The following ELFN1 variants were observed in gnomAD, a reference collection of about 807,000 sequenced individuals.
The protein encoded by ELFN1 is protein ELFN1.
A neutral mutation model predicts 7.6 loss-of-function variants in ELFN1; 6 were observed. That is an observed-to-expected ratio of 0.79 (90% CI 0.43 to 1.56). ELFN1 has a LOEUF of 1.56. ELFN1 is among the 40% of genes most tolerant of loss of function. The pLI is 0.01. For synonymous variants in ELFN1, 657 were observed against 588.1 expected (o/e 1.12, Z -1.70); for missense variants, 1,169 against 1,232.2 (o/e 0.95, Z 0.77).
rs760970757 is a variant in ELFN1 at position 1,745,917 on chromosome 7, C to T, written c.1321C>T (p.Arg441Cys). The change falls in exon 4 of 4, where the codon CGC (arginine) becomes TGC (cysteine). Residue 441 changes from arginine to cysteine, a missense_variant. Coordinates refer to ENST00000424383, the MANE Select transcript of ELFN1 (RefSeq NM_001128636.4). The part of the protein sequence containing the change: ...LVLGAVYYCL[R>C]RRRRQEEKHK... The stretch of plus-strand genomic sequence containing the variant: ...GCTGGGCGCCGTCTACTACTGCCTG[C>T]GCAGGCGGCGGCGCCAGGAGGAGAA... 60 of 1,572,470 alleles carry T rather than the reference C, an allele frequency of 3.8e-5. No individual in the cohort carries two copies. The highest frequency in any genetic ancestry group is 9.5e-5 in the African/African-American group (7 of 73,666).
chr7:1,737,778 G>A (rs1780491198), intron 3 of ELFN1, among the ~76,000 whole-genome samples: 1 of 152,170 alleles, frequency 6.6e-6, no homozygotes, highest in African/African-American at 2.4e-5. Flanking sequence ...AGAGGCCACT[G>A]GTGGTTCCTG....
chr7:1,685,805 C>G lies in ELFN1; in HGVS notation c.-548-2253C>G, dbSNP rs907814234. On this transcript the variant is annotated intron_variant, in intron 1 of 3. Coordinates refer to ENST00000424383, the MANE Select transcript of ELFN1 (RefSeq NM_001128636.4). ...AGATTTATATTATATAATATATAAA[C>G]TGTTGAAAGATAATATATAAACCAT... Among the ~76,000 whole-genome samples, 135 of 147,742 alleles carry G rather than the reference C, an allele frequency of 9.1e-4. 1 individual carries two copies. Among genetic ancestry groups the G allele is most frequent in the African/African-American group, 3.1e-3 (126 of 40,634 alleles).
chr7:1,667,073 C>T (rs1417768177), upstream of ELFN1, among the ~76,000 whole-genome samples: 1 of 151,956 alleles, frequency 6.6e-6, no homozygotes, highest in East Asian at 1.9e-4. This position sits in a 1 kb window ranked among gnomAD's most constrained non-coding sequence, Gnocchi z 8.2. Context: ...CGCCGCTCTT[C>T]CCTCCCTGCC....
intron 3 of ELFN1, among the ~76,000 whole-genome samples, chr7:1,724,704 G>A (rs189643599): frequency 6.6e-6 from 1 of 151,516 alleles, no homozygotes; most frequent in African/African-American, 2.4e-5. Context: ...CCCCATGAAC[G>A]CGACTCCCCC....
intron 2 of ELFN1, among the ~76,000 whole-genome samples, chr7:1,689,150 C>T (rs1201221145): frequency 6.6e-6 from 1 of 152,206 alleles, no homozygotes; most frequent in Non-Finnish European, 1.5e-5. Flanking sequence ...CCTGGTGATT[C>T]ATTCAAGTTG....
chr7:1,745,857 A>C lies in ELFN1; in HGVS notation c.1261A>C (p.Thr421Pro), dbSNP rs766566991. The C allele has an allele frequency of 6.3e-7, 1 of 1,590,324 alleles. No individual in the cohort carries two copies. The highest frequency in any genetic ancestry group is 8.5e-7 in the Non-Finnish European group (1 of 1,169,938). The part of the protein sequence containing the change: ...SPSTATHYIM[T>P]ILGCLFGMVL... Reference sequence around the variant, plus strand: ...CTCCACGGCCACCCACTACATCATGACCATCCTGGGCTGCCTCTTCGGCAT... The same window carrying C: ...CTCCACGGCCACCCACTACATCATGCCCATCCTGGGCTGCCTCTTCGGCAT... Residue 421 changes from threonine (T) to proline (P), a missense_variant, in exon 4 of 4, where the codon ACC (threonine) becomes CCC (proline). Transcript: ENST00000424383.
At position 1,673,321 on chromosome 7, in the gene ELFN1, C is replaced by G. The variant is rs912966247; in HGVS notation, c.-549+2967C>G. Among the ~76,000 whole-genome samples, 5 of 152,102 alleles carry G rather than the reference C, an allele frequency of 3.3e-5. 1 individual carries two copies. In the South Asian group the frequency reaches 1.0e-3, roughly 32 times the overall value. ...GGGTCCTATGTCTGGCGTCTGTGTCCTGTTGTGTTGGTTCAGGTCAGGGGA... is the reference window on the plus strand; with the variant it reads ...GGGTCCTATGTCTGGCGTCTGTGTCGTGTTGTGTTGGTTCAGGTCAGGGGA... On this transcript the variant is annotated intron_variant, in intron 1 of 3. Transcript: ENST00000424383. This position sits in a 1 kb window ranked among gnomAD's most constrained non-coding sequence, Gnocchi z 4.7.
In ELFN1 at chr7:1,747,170, C is replaced by A; in HGVS notation, c.*87C>A. Reference sequence around the variant, plus strand: ...AGCACCAAACCCAACACACGCACGCCACCACAGCAACTGTGACAGCGGGGG... The same window carrying A: ...AGCACCAAACCCAACACACGCACGCAACCACAGCAACTGTGACAGCGGGGG... On this transcript the variant is annotated 3_prime_UTR_variant, in exon 4 of 4. Coordinates refer to ENST00000424383, the MANE Select transcript of ELFN1 (RefSeq NM_001128636.4). 1 of 1,351,900 alleles carries A rather than the reference C, an allele frequency of 7.4e-7. No individual in the cohort carries two copies. Among genetic ancestry groups the A allele is most frequent in the Non-Finnish European group, 9.7e-7 (1 of 1,031,272 alleles). The allele number at this position is 1,351,900 out of a possible 1,614,324, so 83.7% of individuals were successfully genotyped here.
intron 1 of ELFN1, among the ~76,000 whole-genome samples, chr7:1,674,109 G>A (rs1341189730): frequency 6.6e-6 from 1 of 151,980 alleles, no homozygotes; most frequent in Non-Finnish European, 1.5e-5. Context: ...ACAGGAGCCA[G>A]TGGGGAAACT....
At chr7:1,698,504 T>G (rs1290879313) in intron 2 of ELFN1, among the ~76,000 whole-genome samples, 1 of 152,102 alleles carries the variant, frequency 6.6e-6, no homozygotes, top group Non-Finnish European at 1.5e-5. Flanking sequence ...TATAAAACAT[T>G]GTGCCATCCT....
intron 2 of ELFN1, among the ~76,000 whole-genome samples, chr7:1,689,740 C>G (rs534939668): frequency 6.6e-6 from 1 of 152,200 alleles, no homozygotes; most frequent in African/African-American, 2.4e-5. Context: ...ATCACGTGCC[C>G]ATTACAGGTG....
At chr7:1,677,801 C>T (rs528393123) in intron 1 of ELFN1, among the ~76,000 whole-genome samples, 3 of 151,932 alleles carry the variant, frequency 2.0e-5, no homozygotes, top group South Asian at 2.1e-4. Flanking sequence ...CAAATTCAGT[C>T]GAGCGGATGG....
chr7:1,675,030 C>T (rs893495916), intron 1 of ELFN1, among the ~76,000 whole-genome samples: 7 of 152,238 alleles, frequency 4.6e-5, no homozygotes, highest in Admixed American at 3.9e-4. Flanking sequence ...GCTGGGCTCC[C>T]CACACCTCAT....
At chr7:1,737,824 G>A (rs1388661788) in intron 3 of ELFN1, among the ~76,000 whole-genome samples, 2 of 152,158 alleles carry the variant, frequency 1.3e-5, no homozygotes, top group Non-Finnish European at 2.9e-5. Context: ...CCAGAGCCGA[G>A]CACATTTCCA....
chr7:1,666,599 C>T (rs1778674750), upstream of ELFN1, among the ~76,000 whole-genome samples: 1 of 151,780 alleles, frequency 6.6e-6, no homozygotes, highest in South Asian at 2.1e-4. This position sits in a 1 kb window ranked among gnomAD's most constrained non-coding sequence, Gnocchi z 7.9. Flanking sequence ...CGAAACTTTC[C>T]GGAGCGCGCT....
chr7:1,724,726 A>G (rs1780135269), intron 3 of ELFN1, among the ~76,000 whole-genome samples: 1 of 152,122 alleles, frequency 6.6e-6, no homozygotes, highest in African/African-American at 2.4e-5. Flanking sequence ...AGGGCCTGTC[A>G]CAGAGGCCGG....
At position 1,719,644 on chromosome 7, in the gene ELFN1, C is replaced by A. The variant is rs373546693; in HGVS notation, c.-294+10392C>A. Among the ~76,000 whole-genome samples the A allele has an allele frequency of 4.9e-3, 748 of 152,248 alleles. 6 individuals are homozygous for A. The highest frequency in any genetic ancestry group is 0.014 in the Middle Eastern group (4 of 294). ...TGATTCTGTGAGGACACTGCCCTTT[C>A]CAGATCTGTTGGCAGACCTTTGGCA... On this transcript the variant is annotated intron_variant, in intron 3 of 3. Transcript: ENST00000424383.
At chr7:1,716,772 G>A (rs1779845867) in intron 3 of ELFN1, among the ~76,000 whole-genome samples, 1 of 152,224 alleles carries the variant, frequency 6.6e-6, no homozygotes, top group Non-Finnish European at 1.5e-5. Context: ...GCTAAAGTGG[G>A]TCAGAGAGCG....
chr7:1,743,905 C>T (rs1780699643), intron 3 of ELFN1, among the ~76,000 whole-genome samples: 1 of 152,204 alleles, frequency 6.6e-6, no homozygotes, highest in African/African-American at 2.4e-5. Context: ...CTTTAGGTCC[C>T]AGTCCCCTGC....
Sources: allele counts gnomAD v4.1 joint callset (sites outside exome capture counted in the v4.1 genomes callset), GRCh38; gene constraint gnomAD v4.1.1; non-coding constraint Gnocchi (gnomAD v3.1); transcripts MANE v1.5; gene names NCBI Gene and HGNC (gene_info 2026-07-23, HGNC 2026-07-21).